The following ZNF860 variants were observed in gnomAD, a reference collection of about 807,000 sequenced individuals.
ZNF860 encodes the protein zinc finger protein 860.
For missense variants in ZNF860, 641 were observed against 759.2 expected (o/e 0.84, Z 1.83); for synonymous variants, 206 against 248.9 (o/e 0.83, Z 1.62).
the ZNF860 span, among the ~76,000 whole-genome samples, chr3:31,999,870 G>A: frequency 1.3e-5 from 2 of 152,080 alleles, no homozygotes; most frequent in South Asian, 2.1e-4. Flanking sequence ...TCACAAAACC[G>A]GGCCTGAAAA....
At chr3:31,993,537 G>A (rs1410634671), downstream of ZNF860, among the ~76,000 whole-genome samples, 1 of 152,156 alleles carries the variant, frequency 6.6e-6, no homozygotes, top group African/African-American at 2.4e-5. Context: ...CACAAAAAAT[G>A]TGAGCATTCA....
At chr3:32,000,819 C>T in the ZNF860 span, among the ~76,000 whole-genome samples, 1 of 152,172 alleles carries the variant, frequency 6.6e-6, no homozygotes. Context: ...TCCGGCCATG[C>T]GGTTCACATG....
chr3:31,993,681 TACACACACAC>T (rs139678560), downstream of ZNF860, among the ~76,000 whole-genome samples: 3 of 147,216 alleles, frequency 2.0e-5, no homozygotes, highest in African/African-American at 7.5e-5. Flanking sequence ...TACACACACA[TACACACACAC>T]ACACACACAC....
chr3:31,993,776 G>A (rs2125525101), downstream of ZNF860, among the ~76,000 whole-genome samples: 1 of 152,212 alleles, frequency 6.6e-6, no homozygotes, highest in Non-Finnish European at 1.5e-5. Flanking sequence ...TGGTGAGAGT[G>A]CAAAATAATA....
In ZNF860 at chr3:31,989,250, C is replaced by A. The variant is rs1698987845; in HGVS notation, c.171C>A (p.Tyr57Ter). The A allele has an allele frequency of 1.9e-6, 3 of 1,614,178 alleles. No individual in the cohort carries two copies. Among genetic ancestry groups the A allele is most frequent in the Non-Finnish European group, 2.5e-6 (3 of 1,180,038 alleles). The part of the protein sequence containing the change: ...ALYRAMMLEN[Y>*]RNLHSVDISS... ...ACAGGGCCATGATGTTGGAGAACTA[C>A]AGGAACCTGCATTCTGTGGATATCT... The change falls in exon 2 of 2, where the codon TAC (tyrosine) becomes TAA (stop). Residue 57 changes from tyrosine (Y) to a stop codon, truncating the protein, a stop_gained. Coordinates refer to ENST00000360311, the MANE Select transcript of ZNF860 (RefSeq NM_001137674.3). LOFTEE classifies it low-confidence loss of function (END_TRUNC).
Position 31,989,741 on chromosome 3 carries a change from A to G in ZNF860, c.662A>G (p.Gln221Arg), listed in dbSNP as rs1441045108. The G allele has an allele frequency of 1.9e-6, 3 of 1,614,180 alleles. No homozygotes were observed. In the South Asian group the frequency reaches 3.3e-5, roughly 18 times the overall value. ...CATTCATCATTACTCACACTAAAAC[A>G]GGAAGTACACATAAGAGAAAAATCT... is the stretch of plus-strand genomic sequence containing the variant. ...FFHSSLLTLK[Q>R]EVHIREKSFQ... The change falls in exon 2 of 2, where the codon CAG becomes CGG. Residue 221 changes from glutamine to arginine, a missense_variant. Gln to Arg is a conservative substitution (Grantham distance 43, BLOSUM62 1). Coordinates refer to ENST00000360311, the MANE Select transcript of ZNF860 (RefSeq NM_001137674.3).
the ZNF860 span, among the ~76,000 whole-genome samples, chr3:32,002,174 G>A: frequency 2.0e-5 from 3 of 151,936 alleles, no homozygotes; most frequent in Admixed American, 6.6e-5. Flanking sequence ...TCATTTACTC[G>A]CCCATTCAAC....
In ZNF860 at chr3:31,989,960, T is replaced by A. The variant is rs1183200443; in HGVS notation, c.881T>A (p.Val294Asp). ...KPYKCNECGKVFNQQSNLASH... is the reference protein window; with the variant it reads ...KPYKCNECGKDFNQQSNLASH... The stretch of plus-strand genomic sequence containing the variant: ...TACAAGTGTAATGAATGTGGCAAGG[T>A]TTTTAATCAACAATCAAACCTTGCA... The change falls in exon 2 of 2, where the codon GTT becomes GAT. Residue 294 changes from valine (V) to aspartate (D), a missense_variant. Physicochemically the swap from Val to Asp is radical, Grantham distance 152 (BLOSUM62 -3). Transcript: ENST00000360311. 1 of 1,613,620 alleles carries A rather than the reference T, an allele frequency of 6.2e-7. No homozygotes were observed. Among genetic ancestry groups the A allele is most frequent in the Non-Finnish European group, 8.5e-7 (1 of 1,179,914 alleles).
the ZNF860 span, among the ~76,000 whole-genome samples, chr3:31,998,581 C>A: frequency 1.3e-3 from 196 of 152,306 alleles, no homozygotes; most frequent in Middle Eastern, 0.037. Context: ...CCTTATCTGT[C>A]CCTTTCATTG....
At chr3:31,988,162 A>G (rs773884588) in intron 1 of ZNF860, among the ~76,000 whole-genome samples, 1 of 152,228 alleles carries the variant, frequency 6.6e-6, no homozygotes, top group Non-Finnish European at 1.5e-5. Context: ...ATCTGGAGCA[A>G]TTATCCTGTG....
downstream of ZNF860, among the ~76,000 whole-genome samples, chr3:31,993,514 A>G (rs1356837115): frequency 6.6e-6 from 1 of 152,078 alleles, no homozygotes; most frequent in African/African-American, 2.4e-5. Flanking sequence ...AGACAAGAAA[A>G]CCCTTTTTTA....
chr3:31,996,314 T>C (rs1054260744), downstream of ZNF860, among the ~76,000 whole-genome samples: 2 of 152,228 alleles, frequency 1.3e-5, no homozygotes, highest in African/African-American at 2.4e-5. Context: ...AACATTCTTT[T>C]TGTTACAACC....
chr3:31,987,242 T>C (rs1698947517), intron 1 of ZNF860, among the ~76,000 whole-genome samples: 1 of 152,164 alleles, frequency 6.6e-6, no homozygotes, highest in Non-Finnish European at 1.5e-5. Flanking sequence ...TACTTTCTAA[T>C]TTACCTTGTT....
downstream of ZNF860, among the ~76,000 whole-genome samples, chr3:31,993,164 CTTATTTTATTTTATTTTATTTTATT>C (rs143583788): frequency 5.1e-4 from 66 of 129,114 alleles, no homozygotes; most frequent in Admixed American, 1.3e-3. Flanking sequence ...GTAAGAAAAC[CTTATTTTATTTTATTTTATTTTATT>C]TTATTTTATT....
At chr3:31,995,005 A>G (rs1184107254), downstream of ZNF860, among the ~76,000 whole-genome samples, 1 of 152,200 alleles carries the variant, frequency 6.6e-6, no homozygotes, top group Non-Finnish European at 1.5e-5. Context: ...CAGGATTTCA[A>G]AAGGGGAAGG....
At chr3:31,999,117 G>C in the ZNF860 span, among the ~76,000 whole-genome samples, 4 of 152,262 alleles carry the variant, frequency 2.6e-5, no homozygotes, top group Admixed American at 1.3e-4. Flanking sequence ...CTGTTAGCTT[G>C]ATCAGCTGTC....
downstream of ZNF860, among the ~76,000 whole-genome samples, chr3:31,995,723 T>C (rs1215991219): frequency 6.6e-6 from 1 of 152,214 alleles, no homozygotes; most frequent in Non-Finnish European, 1.5e-5. Context: ...AAGTGATAAA[T>C]GTCCATGAAA....
intron 1 of ZNF860, among the ~76,000 whole-genome samples, chr3:31,982,273 A>AT (rs1231624557): frequency 6.6e-6 from 1 of 152,180 alleles, no homozygotes; most frequent in Non-Finnish European, 1.5e-5. Flanking sequence ...TCCCACTAAT[A>AT]TTTTTTGTGA....
chr3:31,993,164 C>CTTATTTTATT (rs143583788), downstream of ZNF860, among the ~76,000 whole-genome samples: 5,559 of 129,052 alleles, frequency 0.043, 191 homozygotes, highest in African/African-American at 0.061. Flanking sequence ...GTAAGAAAAC[C>CTTATTTTATT]TTATTTTATT....
Sources: gnomAD v4.1 joint callset for allele counts (sites outside exome capture counted in the v4.1 genomes callset) on GRCh38, gnomAD v4.1.1 for gene constraint, MANE v1.5 for transcripts, NCBI Gene and HGNC (gene_info 2026-07-23, HGNC 2026-07-21) for gene names.